The following DLG2 variants were observed in gnomAD, a reference collection of about 807,000 sequenced individuals.
DLG2 encodes disks large homolog 2.
Under a neutral mutation model 132.5 loss-of-function variants are expected in DLG2, and 45 were observed. The ratio of observed to expected loss-of-function variants is 0.34; its 90% confidence interval spans 0.27 to 0.44. The LOEUF (loss-of-function observed/expected upper bound fraction) is 0.44, where lower values mean the gene tolerates loss of function less well. DLG2 is among the 20% of genes least tolerant of loss of function. The pLI is 1.00. For missense variants in DLG2, 1,045 were observed against 1,196.9 expected, an observed-to-expected ratio of 0.87 and a Z score of 1.87; for synonymous variants, 424 against 419.6, an observed-to-expected ratio of 1.01 and a Z score of -0.13.
chr11:84,855,296 C>A (rs922696452), intron 6 of DLG2, among the ~76,000 whole-genome samples: 1 of 152,012 alleles, frequency 6.6e-6, no homozygotes, highest in Non-Finnish European at 1.5e-5. Flanking sequence ...GCTTCATGAG[C>A]AAGGTTTTGG....
At chr11:84,807,991 A>C (rs1345879798) in intron 6 of DLG2, among the ~76,000 whole-genome samples, 2 of 152,180 alleles carry the variant, frequency 1.3e-5, no homozygotes, top group Non-Finnish European at 2.9e-5. Context: ...ATCAGCCATC[A>C]GAATCCAATT....
At chr11:85,075,684 A>G (rs1275571017) in intron 6 of DLG2, among the ~76,000 whole-genome samples, 2 of 151,862 alleles carry the variant, frequency 1.3e-5, no homozygotes, top group Non-Finnish European at 2.9e-5. Flanking sequence ...ATATGCATAT[A>G]TGTGCATATA....
chr11:84,828,151 A>T (rs2078575368), intron 6 of DLG2, among the ~76,000 whole-genome samples: 1 of 151,750 alleles, frequency 6.6e-6, no homozygotes, highest in South Asian at 2.1e-4. Context: ...CTCCAAAAGG[A>T]CTGGATAGGC....
chr11:83,580,266 T>G (rs1178306241), intron 19 of DLG2, among the ~76,000 whole-genome samples: 1 of 152,156 alleles, frequency 6.6e-6, no homozygotes, highest in Non-Finnish European at 1.5e-5. Flanking sequence ...GTTCCTTCCT[T>G]ATTAAAATAT....
chr11:84,101,616 C>A (rs1478930342), intron 9 of DLG2, among the ~76,000 whole-genome samples: 3 of 151,960 alleles, frequency 2.0e-5, no homozygotes, highest in African/African-American at 7.3e-5. Context: ...AGTATGTAGC[C>A]ATGGAGATAG....
chr11:84,865,936 G>C (rs2084488414), intron 6 of DLG2, among the ~76,000 whole-genome samples: 2 of 152,164 alleles, frequency 1.3e-5, no homozygotes, highest in Admixed American at 1.3e-4. Flanking sequence ...AACCCCCTAA[G>C]GAGCAACCTT....
chr11:85,491,135 G>C (rs188915895), intron 3 of DLG2, among the ~76,000 whole-genome samples: 1 of 152,010 alleles, frequency 6.6e-6, no homozygotes, highest in East Asian at 1.9e-4. Flanking sequence ...TGCAACAAAC[G>C]TGATACCTTA....
Position 84,387,828 on chromosome 11 carries a change from A to T in DLG2, c.520-136537T>A, listed in dbSNP as rs981139806. On this transcript the variant is annotated intron_variant, in intron 7 of 27. Transcript: ENST00000376104. ...TGAAAGTAAATAAAGCTACAAAAAC[A>T]GTTCTTCAGATTTTTCTACTTCTAC... Among the ~76,000 whole-genome samples, 34 of 152,204 alleles carry T rather than the reference A, an allele frequency of 2.2e-4. 1 individual carries two copies. Among genetic ancestry groups the T allele is most frequent in the Non-Finnish European group, 8.8e-5 (6 of 68,020 alleles).
At chr11:84,150,308 T>C (rs1409637569) in intron 9 of DLG2, among the ~76,000 whole-genome samples, 1 of 152,178 alleles carries the variant, frequency 6.6e-6, no homozygotes, top group African/African-American at 2.4e-5. Context: ...TTTTTAAATC[T>C]TTTTGTGGCT....
intron 21 of DLG2, among the ~76,000 whole-genome samples, chr11:83,527,635 C>G (rs1441903211): frequency 6.6e-6 from 1 of 152,048 alleles, no homozygotes; most frequent in African/African-American, 2.4e-5. Flanking sequence ...ACTATCATCT[C>G]TGTTCTGTCC....
At chr11:84,566,288 C>G (rs117840781) in intron 6 of DLG2, among the ~76,000 whole-genome samples, 127 of 152,096 alleles carry the variant, frequency 8.3e-4, no homozygotes, top group Middle Eastern at 3.4e-3. Context: ...TATCTTATGT[C>G]TTAGAAAAAT....
intron 7 of DLG2, among the ~76,000 whole-genome samples, chr11:84,338,328 C>T (rs2098497532): frequency 6.6e-6 from 1 of 152,152 alleles, no homozygotes; most frequent in Admixed American, 6.5e-5. Context: ...AACTTGTTCA[C>T]TCTCTTCTCT....
intron 19 of DLG2, among the ~76,000 whole-genome samples, chr11:83,586,881 T>C (rs957152943): frequency 8.5e-5 from 13 of 152,336 alleles, no homozygotes; most frequent in African/African-American, 3.1e-4. Context: ...GCAGGTATTG[T>C]TATCATGAAT....
intron 5 of DLG2, among the ~76,000 whole-genome samples, chr11:85,122,443 GA>G (rs1238492826): frequency 1.3e-5 from 2 of 152,150 alleles, no homozygotes; most frequent in Non-Finnish European, 1.5e-5. Flanking sequence ...ATTATTTGGG[GA>G]AACCAAATGT....
At chr11:84,501,999 A>G (rs2099207345) in intron 7 of DLG2, among the ~76,000 whole-genome samples, 1 of 152,208 alleles carries the variant, frequency 6.6e-6, no homozygotes, top group Middle Eastern at 3.4e-3. Flanking sequence ...CATCTGTAAA[A>G]TGAGGACATA....
intron 6 of DLG2, among the ~76,000 whole-genome samples, chr11:85,061,590 T>G (rs939203007): frequency 1.3e-5 from 2 of 151,860 alleles, no homozygotes; most frequent in African/African-American, 2.4e-5. Flanking sequence ...ATACTAAAGC[T>G]GATGGTTAAG....
In DLG2 at chr11:84,982,378, G is replaced by T. The variant is rs181348792; in HGVS notation, c.357+129283C>A. 5.9e-5 allele frequency among the ~76,000 whole-genome samples: 9 copies of T among 152,082 alleles called. No individual in the cohort carries two copies. The East Asian group carries it at 1.5e-3, about 26-fold the overall frequency. ...TTCCTCTAAAGTCTCTTACAAAGCG[G>T]ATGATATCTCTATCCATCAGTGTAT... On this transcript the variant is annotated intron_variant, in intron 6 of 27. Coordinates refer to ENST00000376104, the MANE Select transcript of DLG2 (RefSeq NM_001142699.3).
chr11:83,651,238 T>A (rs1341475948), intron 18 of DLG2, among the ~76,000 whole-genome samples: 1 of 152,002 alleles, frequency 6.6e-6, no homozygotes, highest in Non-Finnish European at 1.5e-5. Flanking sequence ...TAAAAAAAAA[T>A]CTCAGATGGA....
chr11:83,725,988 T>C (rs999409536), intron 18 of DLG2, among the ~76,000 whole-genome samples: 2 of 152,150 alleles, frequency 1.3e-5, no homozygotes, highest in African/African-American at 4.8e-5. Context: ...TATTTCACTT[T>C]ATAACACTTA....
Sources: gnomAD v4.1 joint callset for allele counts (sites outside exome capture counted in the v4.1 genomes callset) on GRCh38, gnomAD v4.1.1 for gene constraint, MANE v1.5 for transcripts, NCBI Gene and HGNC (gene_info 2026-07-23, HGNC 2026-07-21) for gene names.